GRID2: variants seen among roughly 807,000 people sequenced by gnomAD.
The protein encoded by GRID2 is glutamate ionotropic receptor delta type subunit 2, also known as glutamate receptor ionotropic, delta-2.
GRID2 carries 33 observed loss-of-function variants against 114.8 expected under a neutral mutation model. The observed-to-expected ratio is 0.29, with a 90% CI of 0.22 to 0.38. GRID2 has a LOEUF of 0.38. Among genes scored for constraint, GRID2 ranks in the 10% least tolerant of loss-of-function variants. The pLI, the probability that GRID2 is intolerant of heterozygous loss-of-function variation, is 1.00. For missense variants in GRID2, 1,184 were observed against 1,257.7 expected (o/e 0.94, Z 0.89); for synonymous variants, 505 against 449.9 (o/e 1.12, Z -1.55).
intron 1 of GRID2, among the ~76,000 whole-genome samples, chr4:92,321,393 T>A (rs1485327322): frequency 1.3e-5 from 2 of 152,210 alleles, no homozygotes; most frequent in Admixed American, 1.3e-4. Flanking sequence ...CTGTTCAAAC[T>A]GAGAAGTGGG....
At chr4:92,550,599 T>C (rs890010542) in intron 1 of GRID2, among the ~76,000 whole-genome samples, 34 of 152,024 alleles carry the variant, frequency 2.2e-4, no homozygotes, top group Admixed American at 2.0e-3. Flanking sequence ...GCAGGCTCTC[T>C]GTCTGAGGCT....
chr4:93,471,197 C>T (rs1724765866), intron 11 of GRID2, among the ~76,000 whole-genome samples: 1 of 152,100 alleles, frequency 6.6e-6, no homozygotes, highest in African/African-American at 2.4e-5. Context: ...GTTATTAAAA[C>T]TCTTTTCCTT....
chr4:93,752,539 A>G (rs1361370018), intron 14 of GRID2, among the ~76,000 whole-genome samples: 3 of 151,712 alleles, frequency 2.0e-5, no homozygotes, highest in Non-Finnish European at 4.4e-5. Flanking sequence ...CCCGGCTAAT[A>G]TTTTGTACGT....
intron 1 of GRID2, among the ~76,000 whole-genome samples, chr4:92,399,204 G>A (rs549707955): frequency 6.6e-6 from 1 of 152,204 alleles, no homozygotes; most frequent in Admixed American, 6.5e-5. Flanking sequence ...CGTAATACAG[G>A]CCACCGTTTT....
At chr4:93,612,317 A>T (rs1013929954) in intron 13 of GRID2, among the ~76,000 whole-genome samples, 1 of 150,740 alleles carries the variant, frequency 6.6e-6, no homozygotes, top group Non-Finnish European at 1.5e-5. Flanking sequence ...TTACATTTAA[A>T]GTTAATAGTG....
chr4:93,669,529 T>C (rs1203355780), intron 14 of GRID2, among the ~76,000 whole-genome samples: 2 of 152,090 alleles, frequency 1.3e-5, no homozygotes, highest in East Asian at 1.9e-4. Context: ...AGTTAACTAA[T>C]GTCAGTAAAG....
At chr4:92,940,524 C>T (rs904800276) in intron 2 of GRID2, among the ~76,000 whole-genome samples, 2 of 152,056 alleles carry the variant, frequency 1.3e-5, no homozygotes, top group Non-Finnish European at 2.9e-5. Flanking sequence ...CAGGGACAAT[C>T]TGACTTCCTC....
chr4:93,434,560 CA>C (rs796414457), intron 10 of GRID2, among the ~76,000 whole-genome samples: 19 of 150,370 alleles, frequency 1.3e-4, no homozygotes, highest in East Asian at 1.9e-4. Flanking sequence ...AAAACAAAAA[CA>C]AAAAAAAACA....
chr4:92,697,457 G>C (rs1258944495), intron 2 of GRID2, among the ~76,000 whole-genome samples: 1 of 152,124 alleles, frequency 6.6e-6, no homozygotes, highest in Admixed American at 6.6e-5. Flanking sequence ...AATTGCAAAA[G>C]ACTCTGCACA....
At chr4:92,530,611 T>A (rs1248137882) in intron 1 of GRID2, among the ~76,000 whole-genome samples, 1 of 149,798 alleles carries the variant, frequency 6.7e-6, no homozygotes, top group African/African-American at 2.5e-5. Flanking sequence ...TAAAAAGAGG[T>A]CCTTAAATGG....
At chr4:93,340,573 C>G (rs1287112895) in intron 8 of GRID2, among the ~76,000 whole-genome samples, 1 of 151,830 alleles carries the variant, frequency 6.6e-6, no homozygotes, top group Non-Finnish European at 1.5e-5. Flanking sequence ...TTTTTGGTTC[C>G]TTCTTTGATT....
At chr4:93,288,279 T>C (rs763464356) in intron 8 of GRID2, among the ~76,000 whole-genome samples, 13 of 152,286 alleles carry the variant, frequency 8.5e-5, no homozygotes, top group Non-Finnish European at 1.9e-4. Flanking sequence ...TTGATAGAAA[T>C]ATAAAAAAGT....
chr4:92,720,950 T>C (rs112669827), intron 2 of GRID2, among the ~76,000 whole-genome samples: 1,535 of 152,220 alleles, frequency 0.01, 23 homozygotes, highest in African/African-American at 0.035. Flanking sequence ...GGTATAAATA[T>C]AATGGAATAT....
intron 1 of GRID2, among the ~76,000 whole-genome samples, chr4:93,793,563 C>T (rs116065841): frequency 0.011 from 1,621 of 152,232 alleles, 31 homozygotes; most frequent in African/African-American, 0.037. Flanking sequence ...TGATGCTTGT[C>T]TGTAATTTAA....
At chr4:93,436,426 G>T (rs1721092140) in intron 10 of GRID2, among the ~76,000 whole-genome samples, 1 of 152,134 alleles carries the variant, frequency 6.6e-6, no homozygotes, top group African/African-American at 2.4e-5. Flanking sequence ...TCAATGCCAG[G>T]CCTACACCAC....
intron 2 of GRID2, among the ~76,000 whole-genome samples, chr4:92,927,532 A>G (rs1204460576): frequency 6.6e-6 from 1 of 151,818 alleles, no homozygotes; most frequent in Non-Finnish European, 1.5e-5. Flanking sequence ...ACCTGATCCT[A>G]GGTACAAAAA....
At chr4:93,528,021 T>G (rs956922198) in intron 13 of GRID2, among the ~76,000 whole-genome samples, 7 of 152,154 alleles carry the variant, frequency 4.6e-5, no homozygotes, top group Non-Finnish European at 1.0e-4. Context: ...TCATCTACAT[T>G]GCAGCATGTG....
intron 8 of GRID2, among the ~76,000 whole-genome samples, chr4:93,344,146 T>C (rs1759946169): frequency 6.6e-6 from 1 of 152,004 alleles, no homozygotes; most frequent in Admixed American, 6.6e-5. Context: ...AAGTAATAGG[T>C]AATAGGAAGG....
intron 8 of GRID2, among the ~76,000 whole-genome samples, chr4:93,288,616 T>C (rs1753424647): frequency 6.6e-6 from 1 of 152,214 alleles, no homozygotes. Flanking sequence ...ACCTATATAC[T>C]TTTTATTGCA....
Sources: gnomAD v4.1 joint callset for allele counts (sites outside exome capture counted in the v4.1 genomes callset) on GRCh38, gnomAD v4.1.1 for gene constraint, MANE v1.5 for transcripts, NCBI Gene and HGNC (gene_info 2026-07-23, HGNC 2026-07-21) for gene names.